The following PSD4 variants were observed in gnomAD, a reference collection of about 807,000 sequenced individuals.
The protein encoded by PSD4 is PH and SEC7 domain-containing protein 4.
PSD4 carries 59 observed loss-of-function variants against 112.5 expected under a neutral mutation model. The observed-to-expected ratio is 0.52, with a 90% CI of 0.43 to 0.65. The LOEUF is 0.65. Ranked by LOEUF, PSD4 falls within the 30% of genes least tolerant of loss-of-function variation. The pLI, the probability that PSD4 is intolerant of heterozygous loss-of-function variation, is 0.00. For synonymous variants in PSD4, 533 were observed against 540.0 expected (o/e 0.99, Z 0.18); for missense variants, 1,267 against 1,352.6 (o/e 0.94, Z 0.99).
intron 1 of PSD4, among the ~76,000 whole-genome samples, chr2:113,175,617 A>G (rs1687953347): frequency 6.6e-6 from 1 of 152,166 alleles, no homozygotes; most frequent in Non-Finnish European, 1.5e-5. Flanking sequence ...AGAAGCCTTC[A>G]TACCTTTTCC....
chr2:113,191,846 G>A (rs1025619677), intron 5 of PSD4, among the ~76,000 whole-genome samples: 1 of 151,978 alleles, frequency 6.6e-6, no homozygotes, highest in African/African-American at 2.4e-5. Flanking sequence ...CTGCTAGGTG[G>A]GGGAAGGGAG....
chr2:113,191,281 C>CTT, intron 5 of PSD4, among the ~76,000 whole-genome samples: 1 of 152,146 alleles, frequency 6.6e-6, no homozygotes, highest in Non-Finnish European at 1.5e-5. Context: ...GGATTGTTTT[C>CTT]TTTTTTTTCT....
rs376759790 is a variant in PSD4 at position 113,201,438 on chromosome 2, C to T, written c.*23C>T. ...TGAAGCCAGCACCACCTCAGAGACACTGTTCCCTGCTCCAGGGTAGACCTG... is the reference window on the plus strand; with the variant it reads ...TGAAGCCAGCACCACCTCAGAGACATTGTTCCCTGCTCCAGGGTAGACCTG... On this transcript the variant is annotated 3_prime_UTR_variant, in exon 17 of 17. Coordinates refer to ENST00000245796, the MANE Select transcript of PSD4 (RefSeq NM_012455.3). 1.2e-6 allele frequency: 2 copies of T among 1,610,868 alleles called. No individual in the cohort carries two copies. The highest frequency in any genetic ancestry group is 3.3e-5 in the Admixed American group (2 of 59,996).
intron 16 of PSD4, among the ~76,000 whole-genome samples, 191 bp from the exon 17 acceptor site, chr2:113,200,967 C>G (rs1688760546): frequency 6.6e-6 from 1 of 152,166 alleles, no homozygotes; most frequent in African/African-American, 2.4e-5. Context: ...CATTATAATA[C>G]TATCCAGAGG....
intron 15 of PSD4, 60 bp from the exon 16 acceptor site, chr2:113,199,023 G>GC: frequency 6.6e-7 from 1 of 1,510,558 alleles, no homozygotes; most frequent in South Asian, 1.2e-5. Flanking sequence ...GCGCGCCCGG[G>GC]CCCGGAAAGC....
At chr2:113,198,597 C>A in intron 14 of PSD4, 143 bp from the exon 15 acceptor site, 9 of 1,021,044 alleles carry the variant, frequency 8.8e-6, no homozygotes, top group Non-Finnish European at 1.1e-5. Context: ...AGGTCGGGTG[C>A]CCGGCTAGTG....
Position 113,185,789 on chromosome 2 carries a change from G to T in PSD4, c.1250-88G>T, listed in dbSNP as rs574569105. ...CATGCTGCCAGGCTCCAGGGGAGGA[G>T]CCCCAGGGAGGGAGCCTCTGGAGGT... is the stretch of plus-strand genomic sequence containing the variant. On this transcript the variant is annotated intron_variant, in intron 4 of 16. Coordinates refer to ENST00000245796, the MANE Select transcript of PSD4 (RefSeq NM_012455.3). 4.4e-5 allele frequency: 68 copies of T among 1,552,346 alleles called. No individual in the cohort carries two copies. In the African/African-American group the frequency reaches 8.6e-4, roughly 20 times the overall value.
At chr2:113,192,625 G>A in intron 6 of PSD4, 36 bp downstream of exon 6, 3 of 1,603,860 alleles carry the variant, frequency 1.9e-6, no homozygotes, top group Middle Eastern at 1.7e-4. Flanking sequence ...GCTGGAGGCT[G>A]AGGCAGCCAG....
At chr2:113,185,509 GAT>G in intron 4 of PSD4, 69 bp downstream of exon 4, 7 of 1,612,358 alleles carry the variant, frequency 4.3e-6, no homozygotes, top group Non-Finnish European at 5.9e-6. Context: ...TGGGGACAAA[GAT>G]CATTCTTGGA....
chr2:113,187,172 G>T lies in PSD4; in HGVS notation c.1628+917G>T, dbSNP rs141255962. Among the ~76,000 whole-genome samples the T allele has an allele frequency of 1.2e-3, 188 of 152,324 alleles. 3 individuals carry two copies. In the East Asian group the frequency reaches 0.031, roughly 25 times the overall value. ...CCCGAGAGGAAGGTATTCATGCAAG[G>T]TCTCCAGGTCTGGGGCCCTGCGCTT... On this transcript the variant is annotated intron_variant, in intron 5 of 16. Transcript: ENST00000245796.
In PSD4 at chr2:113,206,084, C is replaced by T. The variant is rs79385540; in HGVS notation, c.*4669C>T. The T allele has an allele frequency of 0.061, 9,288 of 152,414 alleles. 344 individuals carry two copies. The highest frequency in any genetic ancestry group is 0.16 in the South Asian group (790 of 4,826). 9.4% of individuals were successfully genotyped at this position (152,414 alleles called of 1,614,324 possible). A position where few individuals can be genotyped will look rare whatever the true frequency, so the allele number is the denominator to read the frequency against. Reference sequence around the variant, plus strand: ...TCCTCTTCTCCTGCCTGCCACAGACCTCTCTCCTTCATGGGCCCACTGGGG... The same window carrying T: ...TCCTCTTCTCCTGCCTGCCACAGACTTCTCTCCTTCATGGGCCCACTGGGG... On this transcript the variant is annotated 3_prime_UTR_variant, in exon 17 of 17. Transcript: ENST00000245796.
intron 1 of PSD4, among the ~76,000 whole-genome samples, chr2:113,174,695 C>T (rs1687921303): frequency 6.6e-6 from 1 of 152,120 alleles, no homozygotes; most frequent in Admixed American, 6.5e-5. Flanking sequence ...CTGGCTTAGG[C>T]CTGTTGTCCT....
In PSD4 at chr2:113,185,929, C is replaced by T; in HGVS notation, c.1302C>T (p.Pro434=). 6.2e-7 allele frequency: 1 copy of T among 1,613,790 alleles called. No individual in the cohort carries two copies. Among genetic ancestry groups the T allele is most frequent in the Non-Finnish European group, 8.5e-7 (1 of 1,179,818 alleles). ...PQESLPCTLA[P]CPWRSPASSP... The stretch of plus-strand genomic sequence containing the variant: ...AATCTCTTCCCTGCACCTTGGCCCC[C>T]TGCCCCTGGAGGAGCCCAGCTTCTT... Residue 434 remains proline, a synonymous_variant, in exon 5 of 17, where the codon CCC becomes CCT. Coordinates refer to ENST00000245796, the MANE Select transcript of PSD4 (RefSeq NM_012455.3).
In PSD4 at chr2:113,186,172, C is replaced by T. The variant is rs369633700; in HGVS notation, c.1545C>T (p.Gly515=). Residue 515 remains glycine, a synonymous_variant, in exon 5 of 17, where the codon GGC becomes GGT. Transcript: ENST00000245796. ...KKEAGEAPKP[G]EEVKSEGTAR... is the part of the protein sequence containing the mutation. ...AGGCAGGGGAGGCCCCAAAACCAGG[C>T]GAGGAAGTAAAGAGTGAAGGAACAG... is the stretch of plus-strand genomic sequence containing the variant. 3.7e-5 allele frequency: 59 copies of T among 1,613,892 alleles called. No individual in the cohort carries two copies. The highest frequency in any genetic ancestry group is 4.5e-5 in the East Asian group (2 of 44,882).
chr2:113,203,669 C>T lies in PSD4; in HGVS notation c.*2254C>T, dbSNP rs1156315138. On this transcript the variant is annotated 3_prime_UTR_variant, in exon 17 of 17. Transcript: ENST00000245796. ...AACCTCCACTGAATCAAGCGATTCTCCTGCCTCAGCCTCCCAAGTAGCTAG... is the reference window on the plus strand; with the variant it reads ...AACCTCCACTGAATCAAGCGATTCTTCTGCCTCAGCCTCCCAAGTAGCTAG... 2 of 146,580 alleles carry T rather than the reference C, an allele frequency of 1.4e-5. No individual in the cohort carries two copies. Among genetic ancestry groups the T allele is most frequent in the Non-Finnish European group, 3.0e-5 (2 of 67,490 alleles). The allele number at this position is 146,580 out of a possible 1,614,324, so 9.1% of individuals were successfully genotyped here.
rs1485906911 is a variant in PSD4 at position 113,207,195 on chromosome 2, G to C, written c.*5780G>C. On this transcript the variant is annotated 3_prime_UTR_variant, in exon 17 of 17. Transcript: ENST00000245796. ...CCTTGGGCCGTGTGCCCATATCTGA[G>C]CCAGTCACTAGAGCCAGGGGTTTAA... 6.6e-6 allele frequency: 1 copy of C among 152,198 alleles called. No individual in the cohort carries two copies. Among genetic ancestry groups the C allele is most frequent in the Non-Finnish European group, 1.5e-5 (1 of 68,064 alleles). 9.4% of individuals were successfully genotyped at this position (152,198 alleles called of 1,614,324 possible).
Position 113,193,078 on chromosome 2 carries a change from G to A in PSD4, c.1869G>A (p.Glu623=). ...ACTTTAGCAGGGCTGTGGCTGAGGA[G>A]TACCTGTCCTTCTTCCAGTTTGGAG... ...NNDFSRAVAE[E]YLSFFQFGGQ... Residue 623 remains glutamate, a synonymous_variant, in exon 7 of 17, where the codon GAG becomes GAA. Transcript: ENST00000245796. The A allele has an allele frequency of 1.2e-6, 2 of 1,614,194 alleles. No homozygotes were observed. The highest frequency in any genetic ancestry group is 8.5e-7 in the Non-Finnish European group (1 of 1,180,008).
chr2:113,200,381 G>A (rs1266510239), intron 16 of PSD4, among the ~76,000 whole-genome samples: 1 of 152,206 alleles, frequency 6.6e-6, no homozygotes. Flanking sequence ...AGACCAGGAA[G>A]TGGGAGTCAA....
At chr2:113,190,256 T>A (rs1688409876) in intron 5 of PSD4, among the ~76,000 whole-genome samples, 1 of 152,066 alleles carries the variant, frequency 6.6e-6, no homozygotes, top group Non-Finnish European at 1.5e-5. Flanking sequence ...CCCAACACCA[T>A]TTGTTGAAAA....
Sources: gnomAD v4.1 joint callset for allele counts (sites outside exome capture counted in the v4.1 genomes callset) on GRCh38, gnomAD v4.1.1 for gene constraint, MANE v1.5 for transcripts, NCBI Gene and HGNC (gene_info 2026-07-23, HGNC 2026-07-21) for gene names.